The following RAB11FIP3 variants were observed in gnomAD, a reference collection of about 807,000 sequenced individuals.
RAB11FIP3 encodes RAB11 family interacting protein 3, also known as rab11 family-interacting protein 3.
A neutral mutation model predicts 77.8 loss-of-function variants in RAB11FIP3; 17 were observed. The ratio of observed to expected loss-of-function variants is 0.22; its 90% confidence interval spans 0.15 to 0.33. RAB11FIP3 has a LOEUF of 0.33. Ranked by LOEUF, RAB11FIP3 falls within the 10% of genes least tolerant of loss-of-function variation. The probability of loss-of-function intolerance (pLI) is 1.00; values close to 1 mark genes in which losing one functional copy is unlikely to be tolerated. For synonymous variants in RAB11FIP3, 437 were observed against 448.2 expected, an observed-to-expected ratio of 0.98 and a Z score of 0.31; for missense variants, 1,005 against 1,011.2, an observed-to-expected ratio of 0.99 and a Z score of 0.08.
intron 1 of RAB11FIP3, among the ~76,000 whole-genome samples, chr16:446,979 G>T (rs566925884): frequency 3.0e-4 from 45 of 151,966 alleles, no homozygotes; most frequent in Middle Eastern, 6.8e-3. Flanking sequence ...GATTACAGGC[G>T]TGAGCCACCA....
At chr16:434,370 T>G (rs940731189) in intron 1 of RAB11FIP3, among the ~76,000 whole-genome samples, 7 of 152,000 alleles carry the variant, frequency 4.6e-5, no homozygotes, top group African/African-American at 1.7e-4. Context: ...GTGATCTGCG[T>G]GCCGCAGCCT....
rs552557315 is a variant in RAB11FIP3 at position 443,714 on chromosome 16, C to T, written c.714+16994C>T. Among the ~76,000 whole-genome samples the T allele has an allele frequency of 1.2e-3, 178 of 152,192 alleles. No homozygotes were observed. The Middle Eastern group carries it at 0.014, about 12-fold the overall frequency. ...CCGAATAGCTGGGACTACAGGCGCC[C>T]GCTACCACGCCCGGCTAATTTTTGT... is the stretch of plus-strand genomic sequence containing the variant. On this transcript the variant is annotated intron_variant, in intron 1 of 13. Coordinates refer to ENST00000262305, the MANE Select transcript of RAB11FIP3 (RefSeq NM_014700.4).
rs180894246 is a variant in RAB11FIP3 at position 497,395 on chromosome 16, C to A, written c.1301+536C>A. ...CGAAATAAACATGCAGGGTTAAGGCCCTTCCCAGGGAGCCACTCAGTGTGG... is the reference window on the plus strand; with the variant it reads ...CGAAATAAACATGCAGGGTTAAGGCACTTCCCAGGGAGCCACTCAGTGTGG... On this transcript the variant is annotated intron_variant, in intron 6 of 13. Coordinates refer to ENST00000262305, the MANE Select transcript of RAB11FIP3 (RefSeq NM_014700.4). 21 of 1,285,394 alleles carry A rather than the reference C, an allele frequency of 1.6e-5. No homozygotes were observed. The East Asian group carries it at 6.3e-4, about 38-fold the overall frequency. The allele number at this position is 1,285,394 out of a possible 1,614,324, so 79.6% of individuals were successfully genotyped here.
intron 2 of RAB11FIP3, among the ~76,000 whole-genome samples, chr16:468,207 A>T (rs2055745863): frequency 1.2e-5 from 1 of 84,354 alleles, no homozygotes; most frequent in Non-Finnish European, 2.4e-5. Flanking sequence ...CAGGGAAGTC[A>T]GGGAGGAGGT....
intron 9 of RAB11FIP3, among the ~76,000 whole-genome samples, chr16:516,011 G>T (rs566339976): frequency 7.2e-5 from 11 of 152,294 alleles, no homozygotes; most frequent in Non-Finnish European, 1.3e-4. Context: ...GGTCTGACCA[G>T]CCCCAGACAA....
chr16:508,565 G>A (rs2031983816), intron 8 of RAB11FIP3, among the ~76,000 whole-genome samples: 1 of 152,052 alleles, frequency 6.6e-6, no homozygotes, highest in Non-Finnish European at 1.5e-5. Context: ...GTAGAGACGG[G>A]GTTTCACCAT....
rs376581441 is a variant in RAB11FIP3 at position 502,977 on chromosome 16, C to A, written c.1302-27C>A. ...ATGTCCTGTGGTTTTTCCCTTTCTT[C>A]CCTCTGTTGTTGTGCCTTTTCTGTA... On this transcript the variant is annotated intron_variant, in intron 6 of 13. Transcript: ENST00000262305. The A allele has an allele frequency of 5.2e-6, 8 of 1,549,366 alleles. No individual in the cohort carries two copies. The African/African-American group carries it at 8.2e-5, about 16-fold the overall frequency.
chr16:499,813 A>G (rs932337013), intron 6 of RAB11FIP3, among the ~76,000 whole-genome samples: 1 of 151,918 alleles, frequency 6.6e-6, no homozygotes, highest in South Asian at 2.1e-4. Flanking sequence ...AAAAAAAAAA[A>G]AAAAGCTCCA....
At position 426,926 on chromosome 16, in the gene RAB11FIP3, G is replaced by A. The variant is rs370270038; in HGVS notation, c.714+206G>A. Among the ~76,000 whole-genome samples, 1 of 152,150 alleles carries A rather than the reference G, an allele frequency of 6.6e-6. No homozygotes were observed. The highest frequency in any genetic ancestry group is 1.9e-4 in the East Asian group (1 of 5,178). On this transcript the variant is annotated intron_variant, in intron 1 of 13. Transcript: ENST00000262305. This position sits in a 1 kb window ranked among gnomAD's most constrained non-coding sequence, Gnocchi z 5.0. ...AGTCCCTCTTCCCTTCTTAAAAGGA[G>A]GTTCTATTCTGGGGAGTCAGTTTCT...
At chr16:475,816 A>G (rs1301896486) in intron 3 of RAB11FIP3, among the ~76,000 whole-genome samples, 5 of 152,104 alleles carry the variant, frequency 3.3e-5, no homozygotes, top group African/African-American at 1.2e-4. Context: ...GCACGGAGCC[A>G]CTCTGCAATG....
At chr16:449,916 A>C (rs1023124592) in intron 1 of RAB11FIP3, among the ~76,000 whole-genome samples, 4 of 151,988 alleles carry the variant, frequency 2.6e-5, no homozygotes, top group Admixed American at 2.0e-4. Flanking sequence ...GTGCCACTGC[A>C]CTCTAGCCTG....
At chr16:495,275 G>A (rs1352621296) in intron 5 of RAB11FIP3, among the ~76,000 whole-genome samples, 2 of 152,158 alleles carry the variant, frequency 1.3e-5, no homozygotes, top group African/African-American at 4.8e-5. Flanking sequence ...CCCAGGGCCG[G>A]GGCAGAGCCC....
Position 437,640 on chromosome 16 carries a change from A to G in RAB11FIP3, c.714+10920A>G, listed in dbSNP as rs373106520. On this transcript the variant is annotated intron_variant, in intron 1 of 13. Transcript: ENST00000262305. Reference sequence around the variant, plus strand: ...CAACCCAAAGAAGTGATAAATGTTGAAGATGAGAGACGTGCCAAGTACACT... The same window carrying G: ...CAACCCAAAGAAGTGATAAATGTTGGAGATGAGAGACGTGCCAAGTACACT... 1.5e-4 allele frequency among the ~76,000 whole-genome samples: 23 copies of G among 151,888 alleles called. 1 individual carries two copies. The highest frequency in any genetic ancestry group is 5.5e-4 in the African/African-American group (23 of 41,506).
chr16:516,098 G>C (rs2032402808), intron 9 of RAB11FIP3, among the ~76,000 whole-genome samples: 2 of 152,224 alleles, frequency 1.3e-5, no homozygotes, highest in South Asian at 4.1e-4. Flanking sequence ...TCTTTGGAAG[G>C]GGTTGCATCT....
intron 2 of RAB11FIP3, among the ~76,000 whole-genome samples, chr16:464,430 T>A (rs998050661): frequency 6.6e-6 from 1 of 152,222 alleles, no homozygotes; most frequent in African/African-American, 2.4e-5. Flanking sequence ...GCTTGCTGCA[T>A]GGCGTGCTGC....
At position 492,366 on chromosome 16, in the gene RAB11FIP3, C is replaced by CG. The variant is rs1280116098; in HGVS notation, c.1265+3369dup. 7.2e-4 allele frequency among the ~76,000 whole-genome samples: 97 copies of CG among 134,240 alleles called. 5 individuals carry two copies. Among genetic ancestry groups the CG allele is most frequent in the African/African-American group, 2.1e-3 (75 of 35,266 alleles). The allele number at this position is 134,240 out of a possible 152,430, so 88.1% of individuals were successfully genotyped here. A position where few individuals can be genotyped will look rare whatever the true frequency, so the allele number is the denominator to read the frequency against. On this transcript the variant is annotated intron_variant, in intron 5 of 13. Coordinates refer to ENST00000262305, the MANE Select transcript of RAB11FIP3 (RefSeq NM_014700.4). ...AAGTGCTCTTTGAAGAGGGTCTTCC[C>CG]GGGAGACCCGAGGCCGCCCAGAGCC...
At position 461,550 on chromosome 16, in the gene RAB11FIP3, C is replaced by G; in HGVS notation, c.808+53C>G. 1 of 1,455,116 alleles carries G rather than the reference C, an allele frequency of 6.9e-7. No homozygotes were observed. The allele number at this position is 1,455,116 out of a possible 1,614,324, so 90.1% of individuals were successfully genotyped here. A position where few individuals can be genotyped will look rare whatever the true frequency, so the allele number is the denominator to read the frequency against. On this transcript the variant is annotated intron_variant, in intron 2 of 13. Transcript: ENST00000262305. This position sits in a 1 kb window ranked among gnomAD's most constrained non-coding sequence, Gnocchi z 4.5. Reference sequence around the variant, plus strand: ...CCTCCTCTCCCGTTCCTCAGCCACCCTCTCAGCCACCTGCACATCACCAGG... The same window carrying G: ...CCTCCTCTCCCGTTCCTCAGCCACCGTCTCAGCCACCTGCACATCACCAGG...
intron 1 of RAB11FIP3, among the ~76,000 whole-genome samples, chr16:429,477 G>T (rs2055001316): frequency 6.6e-6 from 1 of 151,766 alleles, no homozygotes; most frequent in Non-Finnish European, 1.5e-5. Context: ...TGTCCTTGAT[G>T]ATAACAACTA....
chr16:450,984 T>C (rs946195502), intron 1 of RAB11FIP3, among the ~76,000 whole-genome samples: 14 of 150,492 alleles, frequency 9.3e-5, no homozygotes, highest in Non-Finnish European at 1.8e-4. Flanking sequence ...CATCGTTGAA[T>C]GTGTGGACTC....
Sources: allele counts gnomAD v4.1 joint callset (sites outside exome capture counted in the v4.1 genomes callset), GRCh38; gene constraint gnomAD v4.1.1; non-coding constraint Gnocchi (gnomAD v3.1); transcripts MANE v1.5; gene names NCBI Gene and HGNC (gene_info 2026-07-23, HGNC 2026-07-21).